SLC4A11: variants seen among roughly 807,000 people sequenced by gnomAD.
SLC4A11 encodes the protein bicarbonate transporter related protein 1.
A neutral mutation model predicts 95.0 loss-of-function variants in SLC4A11; 74 were observed. That is an observed-to-expected ratio of 0.78 (90% CI 0.65 to 0.95). The LOEUF is 0.95. Among genes scored for constraint, SLC4A11 ranks in the 40% least tolerant of loss-of-function variants. The pLI is 0.00. For missense variants in SLC4A11, 1,081 were observed against 1,192.4 expected (o/e 0.91, Z 1.38); for synonymous variants, 548 against 519.0 (o/e 1.06, Z -0.76).
upstream of SLC4A11, chr20:3,239,467 G>A: frequency 9.7e-7 from 1 of 1,028,196 alleles, no homozygotes; most frequent in Non-Finnish European, 1.2e-6. Context: ...ACCCAGCGTC[G>A]CGAGTTTAGG....
In SLC4A11 at chr20:3,234,699, T is replaced by TC. The variant is rs765893881; in HGVS notation, c.241+42dup. On this transcript the variant is annotated intron_variant, in intron 3 of 19. Coordinates refer to ENST00000642402, the MANE Select transcript of SLC4A11 (RefSeq NM_001174089.2). This position sits in a 1 kb window ranked among gnomAD's most constrained non-coding sequence, Gnocchi z 5.8. ...AGTAAGGCGAGTCACACCTGCCCAGTCCCGTGCCTTCCCCCAGTCTGCCCC... is the reference window on the plus strand; with the variant it reads ...AGTAAGGCGAGTCACACCTGCCCAGTCCCCGTGCCTTCCCCCAGTCTGCCCC... 4 of 1,613,706 alleles carry TC rather than the reference T, an allele frequency of 2.5e-6. No homozygotes were observed. The Admixed American group carries it at 6.7e-5, about 27-fold the overall frequency.
Position 3,231,519 on chromosome 20 carries a change from C to T in SLC4A11, c.759G>A (p.Ala253=), listed in dbSNP as rs1421228140. The change falls in exon 8 of 20, where the codon GCG becomes GCA. Residue 253 remains alanine, a synonymous_variant. Coordinates refer to ENST00000642402, the MANE Select transcript of SLC4A11 (RefSeq NM_001174089.2). The surrounding 1 kb of genome is among the most constrained non-coding windows in gnomAD (Gnocchi z 5.2). ...CCGAGAACATGGTGGCAAACGTGCG[C>T]GCCACCTCCATCGCAGTCTTAGTGC... ...MKSTKTAMEV[A]RTFATMFSDI... 2.4e-5 allele frequency: 39 copies of T among 1,613,818 alleles called. No individual in the cohort carries two copies. Among genetic ancestry groups the T allele is most frequent in the East Asian group, 6.7e-5 (3 of 44,882 alleles).
In SLC4A11 at chr20:3,238,191, G is replaced by C. The variant is rs1412802756; in HGVS notation, c.44-603C>G. ...GCCAGAGCCGTTGGTCCAAAAGGGAGAACAATTGGGGGTGGGAGGAGTATC... is the reference window on the plus strand; with the variant it reads ...GCCAGAGCCGTTGGTCCAAAAGGGACAACAATTGGGGGTGGGAGGAGTATC... On this transcript the variant is annotated intron_variant, in intron 1 of 19. Coordinates refer to ENST00000642402, the MANE Select transcript of SLC4A11 (RefSeq NM_001174089.2). The C allele has an allele frequency of 2.8e-6, 4 of 1,428,734 alleles. No individual in the cohort carries two copies. The Admixed American group carries it at 8.8e-5, about 31-fold the overall frequency. The allele number at this position is 1,428,734 out of a possible 1,614,324, so 88.5% of individuals were successfully genotyped here.
chr20:3,238,615 C>T (rs1392629455), intron 1 of SLC4A11: 5 of 991,668 alleles, frequency 5.0e-6, no homozygotes, highest in South Asian at 4.7e-5. Context: ...GCTGCGGCCG[C>T]GCAGGGCACG....
chr20:3,227,922 G>T, intron 19 of SLC4A11, 66 bp from the exon 20 acceptor site: 2 of 1,322,358 alleles, frequency 1.5e-6, no homozygotes, highest in Non-Finnish European at 2.1e-6. Flanking sequence ...ACCCATCCCA[G>T]CCCACCCCAG....
At chr20:3,235,665 C>A (rs2067959432) in intron 2 of SLC4A11, among the ~76,000 whole-genome samples, 1 of 152,096 alleles carries the variant, frequency 6.6e-6, no homozygotes, top group Non-Finnish European at 1.5e-5. Flanking sequence ...TCAATTCCTG[C>A]AGCTGGCCAG....
In SLC4A11 at chr20:3,228,719, C is replaced by T. The variant is rs765265063; in HGVS notation, c.2193-12G>A. On this transcript the variant is annotated splice_polypyrimidine_tract_variant and intron_variant, in intron 17 of 19. Transcript: ENST00000642402. ...TCACGTTCACAATCCTGCGGTGGCC[C>T]GAGCCGCGAGTGTCACCTCTGCGCC... 9.3e-6 allele frequency: 15 copies of T among 1,611,908 alleles called. No individual in the cohort carries two copies. The highest frequency in any genetic ancestry group is 2.2e-5 in the East Asian group (1 of 44,798).
At chr20:3,238,973 C>T in intron 1 of SLC4A11, 122 bp downstream of exon 1, 1 of 1,311,472 alleles carries the variant, frequency 7.6e-7, no homozygotes. Context: ...GCAGCCCTCT[C>T]GCCCACCGGC....
In SLC4A11 at chr20:3,227,796, G is replaced by C. The variant is rs745803026; in HGVS notation, c.2619C>G (p.His873Gln). Reference sequence around the variant, plus strand: ...GGGCAGGGTCTGCCAGTCAAGGCCTGTGCTCAGCGTCCATGACATCCAAGT... The same window carrying C: ...GGGCAGGGTCTGCCAGTCAAGGCCTCTGCTCAGCGTCCATGACATCCAAGT... ...AKYLDVMDAEHRP is the reference protein window; with the variant it reads ...AKYLDVMDAEQRP Residue 873 changes from histidine (H) to glutamine (Q), a missense_variant, in exon 20 of 20, where the codon CAC (histidine) becomes CAG (glutamine). His to Gln is a conservative substitution (Grantham distance 24). Transcript: ENST00000642402. 1 of 1,613,160 alleles carries C rather than the reference G, an allele frequency of 6.2e-7. No homozygotes were observed. Among genetic ancestry groups the C allele is most frequent in the Non-Finnish European group, 8.5e-7 (1 of 1,179,948 alleles).
chr20:3,236,598 A>G (rs916204453), intron 2 of SLC4A11, among the ~76,000 whole-genome samples: 15 of 99,558 alleles, frequency 1.5e-4, no homozygotes, highest in Admixed American at 1.2e-3. Context: ...AAAACAAAAC[A>G]AAACAAAACA....
intron 6 of SLC4A11, 46 bp downstream of exon 6, chr20:3,233,875 A>T (rs1181684793): frequency 1.2e-6 from 2 of 1,602,540 alleles, no homozygotes; most frequent in African/African-American, 2.7e-5. Context: ...TGGGACACCC[A>T]GTTCCACTGC....
At chr20:3,237,774 C>A (rs1448060347) in intron 1 of SLC4A11, 186 bp from the exon 2 acceptor site, 1 of 1,610,458 alleles carries the variant, frequency 6.2e-7, no homozygotes, top group African/African-American at 1.3e-5. Context: ...GCAGGGGAAG[C>A]CAGCCTTAAT....
rs1410291190 is a variant in SLC4A11, at chr20:3,233,704, A to AC, written c.606-68dup. The AC allele has an allele frequency of 8.1e-6, 13 of 1,600,742 alleles. No homozygotes were observed. In the Admixed American group the frequency reaches 2.2e-4, roughly 27 times the overall value. ...GGGAGCTGGGGCTCCCCGACCCAGA[A>AC]CCCCCTCGACCTTGACCCCTGGCGA... On this transcript the variant is annotated intron_variant, in intron 6 of 19. Transcript: ENST00000642402.
rs907885123 is a variant in SLC4A11, at chr20:3,227,592, C to T, written c.*195G>A. On this transcript the variant is annotated 3_prime_UTR_variant, in exon 20 of 20. Transcript: ENST00000642402. The stretch of plus-strand genomic sequence containing the variant: ...CCTGAGCAACGCTCTTGGCCTAAAG[C>T]TAAAGGATAATGGGAGAGGGGTGGG... 1 of 645,910 alleles carries T rather than the reference C, an allele frequency of 1.5e-6. No homozygotes were observed. The highest frequency in any genetic ancestry group is 2.2e-5 in the Admixed American group (1 of 44,596). The allele number at this position is 645,910 out of a possible 1,614,324, so 40.0% of individuals were successfully genotyped here.
intron 12 of SLC4A11, 109 bp downstream of exon 12, chr20:3,230,406 C>T (rs2067716819): frequency 5.7e-6 from 9 of 1,592,220 alleles, no homozygotes; most frequent in Middle Eastern, 1.9e-4. Context: ...CACCCCAGCC[C>T]CTTGGGGCAG....
At chr20:3,238,158 G>C in intron 1 of SLC4A11, 2 of 1,442,738 alleles carry the variant, frequency 1.4e-6, no homozygotes, top group Non-Finnish European at 1.8e-6. Context: ...CGTCCCGGCC[G>C]CCTGGAAGCC....
chr20:3,229,393 A>T lies in SLC4A11; in HGVS notation c.1802T>A (p.Val601Glu), dbSNP rs984106155. 1 of 1,613,202 alleles carries T rather than the reference A, an allele frequency of 6.2e-7. No homozygotes were observed. The highest frequency in any genetic ancestry group is 1.3e-5 in the African/African-American group (1 of 74,928). Residue 601 changes from valine to glutamate, a missense_variant, in exon 15 of 20, where the codon GTG becomes GAG. Val to Glu is a moderately radical substitution (Grantham distance 121). Coordinates refer to ENST00000642402, the MANE Select transcript of SLC4A11 (RefSeq NM_001174089.2). Reference protein sequence around the residue: ...ILSDCALPIAVLAFSLISSHG... With the variant: ...ILSDCALPIAELAFSLISSHG... ...GGAGCTGATGAGGGAGAAGGCGAGCACCGCGATGGGCAGGGCGCAGTCGGA... is the reference window on the plus strand; with the variant it reads ...GGAGCTGATGAGGGAGAAGGCGAGCTCCGCGATGGGCAGGGCGCAGTCGGA...
rs2122525646 is a variant in SLC4A11, at chr20:3,229,661, G to A, written c.1605C>T (p.Ala535=). ...GGCTGGCGAGGAAGCTGGCGTTGAG[G>A]GCAGTGTGGAGGCTGGCGTTGAGGC... is the stretch of plus-strand genomic sequence containing the variant. The part of the protein sequence containing the change: ...GASLNASLHT[A]LNASFLASPT... The change falls in exon 14 of 20, where the codon GCC becomes GCT. Residue 535 remains alanine (A), a synonymous_variant. Transcript: ENST00000642402. 5 of 1,613,860 alleles carry A rather than the reference G, an allele frequency of 3.1e-6. No individual in the cohort carries two copies. Among genetic ancestry groups the A allele is most frequent in the South Asian group, 1.1e-5 (1 of 91,084 alleles).
Position 3,234,826 on chromosome 20 carries a change from C to T in SLC4A11, c.157G>A (p.Asp53Asn), listed in dbSNP as rs748184113. Residue 53 changes from aspartate (D) to asparagine (N), a missense_variant, in exon 3 of 20, where the codon GAC (aspartate) becomes AAC (asparagine). Asp to Asn is a conservative substitution (Grantham distance 23). Coordinates refer to ENST00000642402, the MANE Select transcript of SLC4A11 (RefSeq NM_001174089.2). This position sits in a 1 kb window ranked among gnomAD's most constrained non-coding sequence, Gnocchi z 5.8. ...REEILGDEAF[D>N]TANSSIVSGE... Reference sequence around the variant, plus strand: ...GACACGATGGAGGAGTTGGCAGTGTCGAAGGCCTCATCCCCCAGGATCTCC... The same window carrying T: ...GACACGATGGAGGAGTTGGCAGTGTTGAAGGCCTCATCCCCCAGGATCTCC... 28 of 1,613,946 alleles carry T rather than the reference C, an allele frequency of 1.7e-5. No individual in the cohort carries two copies. Among genetic ancestry groups the T allele is most frequent in the African/African-American group, 4.0e-5 (3 of 74,910 alleles).
Sources: gnomAD v4.1 joint callset for allele counts (sites outside exome capture counted in the v4.1 genomes callset) on GRCh38, gnomAD v4.1.1 for gene constraint, Gnocchi (gnomAD v3.1) non-coding constraint, MANE v1.5 for transcripts, NCBI Gene and HGNC (gene_info 2026-07-23, HGNC 2026-07-21) for gene names.